The following KCNH1 variants were observed in gnomAD, a reference collection of about 807,000 sequenced individuals.
The protein encoded by KCNH1 is voltage-gated delayed rectifier potassium channel KCNH1.
Under a neutral mutation model 69.2 loss-of-function variants are expected in KCNH1, and 27 were observed. The observed-to-expected ratio is 0.39, with a 90% CI of 0.29 to 0.54. The LOEUF (loss-of-function observed/expected upper bound fraction) is 0.54. Ranked by LOEUF, KCNH1 falls within the 20% of genes least tolerant of loss-of-function variation. The pLI, the probability that KCNH1 is intolerant of heterozygous loss-of-function variation, is 0.68. For missense variants in KCNH1, 798 were observed against 1,261.6 expected, an observed-to-expected ratio of 0.63 and a Z score of 5.57; for synonymous variants, 456 against 487.7, an observed-to-expected ratio of 0.93 and a Z score of 0.86.
At chr1:210,787,654 G>C (rs1297301505) in intron 9 of KCNH1, among the ~76,000 whole-genome samples, 1 of 152,118 alleles carries the variant, frequency 6.6e-6, no homozygotes, top group Non-Finnish European at 1.5e-5. Context: ...CAAGAACCTG[G>C]GTATCCTTAG....
At chr1:210,751,165 G>A (rs1040036312) in intron 10 of KCNH1, among the ~76,000 whole-genome samples, 13 of 152,188 alleles carry the variant, frequency 8.5e-5, no homozygotes, top group African/African-American at 2.4e-4. Context: ...TTGATGTGGT[G>A]TAGGAAACTG....
chr1:210,943,533 T>A (rs998941031), intron 6 of KCNH1, among the ~76,000 whole-genome samples: 2 of 151,894 alleles, frequency 1.3e-5, no homozygotes, highest in African/African-American at 4.8e-5. Flanking sequence ...ATTTTTTTTT[T>A]AGCAGAGACG....
At chr1:211,111,140 G>A (rs1352428415) in intron 1 of KCNH1, among the ~76,000 whole-genome samples, 1 of 152,100 alleles carries the variant, frequency 6.6e-6, no homozygotes, top group African/African-American at 2.4e-5. Context: ...TGAAAAATGA[G>A]AGCAAGATAG....
chr1:210,828,460 C>A (rs76450961), intron 7 of KCNH1, among the ~76,000 whole-genome samples: 2,815 of 152,260 alleles, frequency 0.018, 88 homozygotes, highest in African/African-American at 0.064. Context: ...CCTCAGAACA[C>A]TTATTAGACA....
At chr1:210,982,449 G>C (rs930324874) in intron 6 of KCNH1, among the ~76,000 whole-genome samples, 2 of 151,828 alleles carry the variant, frequency 1.3e-5, no homozygotes, top group South Asian at 4.2e-4. Flanking sequence ...TCCCCGGTAT[G>C]TGATGTTCCC....
At chr1:210,816,125 A>G (rs1394128271) in intron 7 of KCNH1, among the ~76,000 whole-genome samples, 1 of 152,172 alleles carries the variant, frequency 6.6e-6, no homozygotes, top group East Asian at 1.9e-4. Flanking sequence ...CTCATCAGCC[A>G]TTGCCATAGG....
At chr1:210,773,774 C>T (rs932334381) in intron 10 of KCNH1, among the ~76,000 whole-genome samples, 3 of 152,300 alleles carry the variant, frequency 2.0e-5, no homozygotes, top group Admixed American at 6.5e-5. Flanking sequence ...AGCACTTCTA[C>T]GCATTTATCT....
chr1:210,956,226 A>G (rs543028154), intron 6 of KCNH1, among the ~76,000 whole-genome samples: 1 of 152,322 alleles, frequency 6.6e-6, no homozygotes, highest in South Asian at 2.1e-4. Context: ...AGTATGTTGA[A>G]TAAGACTTGC....
rs149630566 is a variant in KCNH1, at chr1:210,975,279, C to T, written c.1032+43504G>A. 1.8e-3 allele frequency among the ~76,000 whole-genome samples: 268 copies of T among 152,292 alleles called. 1 individual carries two copies. Among genetic ancestry groups the T allele is most frequent in the African/African-American group, 6.2e-3 (258 of 41,564 alleles). ...TTTGTTGATCTTTTCAAAAAACCAG[C>T]TCCTGGATTCAGATAATCCTAAGCC... On this transcript the variant is annotated intron_variant, in intron 6 of 10. Coordinates refer to ENST00000271751, the MANE Select transcript of KCNH1 (RefSeq NM_172362.3).
chr1:210,768,255 T>G (rs77593758), intron 10 of KCNH1, among the ~76,000 whole-genome samples: 6,810 of 152,226 alleles, frequency 0.045, 301 homozygotes, highest in East Asian at 0.14. Context: ...CATTGAAAAT[T>G]TGCCATGTCA....
chr1:210,793,312 G>A (rs749509375), intron 9 of KCNH1, among the ~76,000 whole-genome samples: 29 of 152,188 alleles, frequency 1.9e-4, no homozygotes, highest in Non-Finnish European at 2.8e-4. Flanking sequence ...AAACAATTTA[G>A]TGGGTCATGA....
At chr1:210,823,211 T>C (rs1347491879) in intron 7 of KCNH1, among the ~76,000 whole-genome samples, 1 of 152,070 alleles carries the variant, frequency 6.6e-6, no homozygotes, top group African/African-American at 2.4e-5. Context: ...AATGGCTTTG[T>C]AAGTGGTCAT....
At chr1:210,928,101 C>T (rs1375410439) in intron 6 of KCNH1, among the ~76,000 whole-genome samples, 1 of 152,000 alleles carries the variant, frequency 6.6e-6, no homozygotes, top group Admixed American at 6.5e-5. Flanking sequence ...TAGATGGCAA[C>T]ACAATAATAG....
chr1:210,794,357 TAGTGTAGACAGCTTG>T (rs2102396185), intron 9 of KCNH1, among the ~76,000 whole-genome samples: 1 of 152,340 alleles, frequency 6.6e-6, no homozygotes, highest in South Asian at 2.1e-4. Flanking sequence ...AAGCTTTTTC[TAGTGTAGACAGCTTG>T]AAGGCAACAA....
chr1:210,752,547 G>A (rs577960290), intron 10 of KCNH1, among the ~76,000 whole-genome samples: 1 of 152,276 alleles, frequency 6.6e-6, no homozygotes, highest in South Asian at 2.1e-4. Flanking sequence ...CTTCTGGGGA[G>A]AAGAAACACA....
At chr1:211,084,199 T>A (rs982161847) in intron 4 of KCNH1, among the ~76,000 whole-genome samples, 2 of 150,018 alleles carry the variant, frequency 1.3e-5, no homozygotes, top group African/African-American at 4.9e-5. Context: ...TCCCCCAGTG[T>A]CAATGAATGT....
chr1:211,120,505 T>G (rs1378924678), intron 1 of KCNH1, among the ~76,000 whole-genome samples: 6 of 152,148 alleles, frequency 3.9e-5, no homozygotes, highest in African/African-American at 1.4e-4. Flanking sequence ...CAATAGATTT[T>G]ATTCTCATTT....
intron 8 of KCNH1, among the ~76,000 whole-genome samples, chr1:210,799,534 C>T (rs769794036): frequency 2.0e-5 from 3 of 152,134 alleles, no homozygotes; most frequent in Non-Finnish European, 2.9e-5. Context: ...TTTCTCTGGA[C>T]TAAATGTTTG....
intron 7 of KCNH1, among the ~76,000 whole-genome samples, chr1:210,904,720 AT>A (rs1237998014): frequency 6.6e-6 from 1 of 152,192 alleles, no homozygotes; most frequent in Non-Finnish European, 1.5e-5. Flanking sequence ...TGGAGTAATA[AT>A]AAAAGCAATA....
Sources: gnomAD v4.1 joint callset for allele counts (sites outside exome capture counted in the v4.1 genomes callset) on GRCh38, gnomAD v4.1.1 for gene constraint, MANE v1.5 for transcripts, NCBI Gene and HGNC (gene_info 2026-07-23, HGNC 2026-07-21) for gene names.